The following IKZF3 variants were observed in gnomAD, a reference collection of about 807,000 sequenced individuals.
IKZF3 encodes IKAROS family zinc finger 3.
Under a neutral mutation model 49.0 loss-of-function variants are expected in IKZF3, and 10 were observed. The observed-to-expected ratio is 0.20, with a 90% CI of 0.13 to 0.35. The LOEUF (loss-of-function observed/expected upper bound fraction) is 0.35. Ranked by LOEUF, IKZF3 falls within the 10% of genes least tolerant of loss-of-function variation. The probability of loss-of-function intolerance (pLI) is 1.00; values close to 1 mark genes in which losing one functional copy is unlikely to be tolerated. For synonymous variants in IKZF3, 209 were observed against 228.2 expected, an observed-to-expected ratio of 0.92 and a Z score of 0.76; for missense variants, 498 against 664.8, an observed-to-expected ratio of 0.75 and a Z score of 2.76.
chr17:39,823,451 A>T (rs2144223272), intron 3 of IKZF3, among the ~76,000 whole-genome samples: 1 of 152,260 alleles, frequency 6.6e-6, no homozygotes, highest in South Asian at 2.1e-4. Context: ...GGAGAAATTC[A>T]AACCAGCTGC....
At chr17:39,842,893 A>C (rs2062520474) in intron 1 of IKZF3, among the ~76,000 whole-genome samples, 1 of 152,226 alleles carries the variant, frequency 6.6e-6, no homozygotes, top group African/African-American at 2.4e-5. Context: ...GTAATGGGAC[A>C]AACAAAAATT....
chr17:39,766,160 G>T lies in IKZF3; in HGVS notation c.1160C>A (p.Thr387Lys). 6.2e-7 allele frequency: 1 copy of T among 1,614,054 alleles called. No homozygotes were observed. Among genetic ancestry groups the T allele is most frequent in the Non-Finnish European group, 8.5e-7 (1 of 1,179,984 alleles). The change falls in exon 8 of 8, where the codon ACG becomes AAG. Residue 387 changes from threonine to lysine, a missense_variant. Physicochemically the swap from Thr to Lys is moderately conservative, Grantham distance 78 (BLOSUM62 -1). Transcript: ENST00000346872. ...TTCTTCATGGTTGCTGTCAGTGTCC[G>T]TGGAGTCGTGGCCACTATTGTTGGG... ...LSPNNSGHDSTDTDSNHEERQ... is the reference protein window; with the variant it reads ...LSPNNSGHDSKDTDSNHEERQ...
At chr17:39,859,444 A>C (rs912540044) in intron 1 of IKZF3, among the ~76,000 whole-genome samples, 1 of 150,872 alleles carries the variant, frequency 6.6e-6, no homozygotes, top group African/African-American at 2.4e-5. Context: ...ATGTCAGTGC[A>C]GTGGCATGCT....
intron 1 of IKZF3, among the ~76,000 whole-genome samples, chr17:39,833,057 C>A (rs762438100): frequency 1.3e-5 from 2 of 152,072 alleles, no homozygotes; most frequent in African/African-American, 2.4e-5. Flanking sequence ...ACATCCATTA[C>A]TCACCCTCTG....
At chr17:39,769,172 C>T (rs925725643) in intron 7 of IKZF3, among the ~76,000 whole-genome samples, 4 of 152,150 alleles carry the variant, frequency 2.6e-5, no homozygotes, top group Non-Finnish European at 5.9e-5. Context: ...ATGGTAGGAC[C>T]GAATGGTGGG....
intron 3 of IKZF3, among the ~76,000 whole-genome samples, chr17:39,800,166 T>C (rs755098448): frequency 5.9e-5 from 9 of 152,236 alleles, no homozygotes; most frequent in Non-Finnish European, 8.8e-5. Context: ...AAACCTTTTA[T>C]AGTATGAATA....
At chr17:39,855,371 T>G (rs2063007621) in intron 1 of IKZF3, among the ~76,000 whole-genome samples, 1 of 152,220 alleles carries the variant, frequency 6.6e-6, no homozygotes, top group Non-Finnish European at 1.5e-5. Context: ...AGTTATAAAA[T>G]CTATAAGCAC....
At chr17:39,828,361 C>T (rs552782797) in intron 3 of IKZF3, among the ~76,000 whole-genome samples, 5 of 152,188 alleles carry the variant, frequency 3.3e-5, no homozygotes, top group Admixed American at 6.5e-5. Context: ...GCTTGCTAGA[C>T]TAGTATTGCT....
chr17:39,842,792 A>T (rs1216459268), intron 1 of IKZF3, among the ~76,000 whole-genome samples: 1 of 152,192 alleles, frequency 6.6e-6, no homozygotes, highest in African/African-American at 2.4e-5. Context: ...ATACTTATTA[A>T]TTACAAGGTT....
At chr17:39,839,527 T>C (rs926705366) in intron 1 of IKZF3, 2 of 555,740 alleles carry the variant, frequency 3.6e-6, no homozygotes, top group African/African-American at 3.9e-5. Context: ...GAAGACATGG[T>C]GAGAAGTGGA....
chr17:39,772,862 G>T (rs1190639216), intron 7 of IKZF3, among the ~76,000 whole-genome samples: 1 of 152,054 alleles, frequency 6.6e-6, no homozygotes, highest in Non-Finnish European at 1.5e-5. Context: ...GTCTTGCTCT[G>T]TTGCCCAAGC....
intron 7 of IKZF3, among the ~76,000 whole-genome samples, chr17:39,768,639 T>C (rs768629062): frequency 1.3e-5 from 2 of 152,142 alleles, no homozygotes; most frequent in Non-Finnish European, 2.9e-5. Context: ...GTGAAGATAA[T>C]TGTATGTACC....
chr17:39,768,747 TTTTC>T (rs2143603610), intron 7 of IKZF3, among the ~76,000 whole-genome samples: 1 of 152,364 alleles, frequency 6.6e-6, no homozygotes, highest in Non-Finnish European at 1.5e-5. Flanking sequence ...TTGGTTCACA[TTTTC>T]TTTCTTTTTT....
chr17:39,760,087 TA>T lies in IKZF3; in HGVS notation c.*5702del, dbSNP rs1188858287. On this transcript the variant is annotated 3_prime_UTR_variant, in exon 8 of 8. Coordinates refer to ENST00000346872, the MANE Select transcript of IKZF3 (RefSeq NM_012481.5). ...TGGGGTACTCTTTAAAGTGAGGACT[TA>T]AACATTTCCATTGTGGTCTTATCAC... The T allele has an allele frequency of 6.6e-5, 10 of 151,880 alleles. No individual in the cohort carries two copies. Among genetic ancestry groups the T allele is most frequent in the Non-Finnish European group, 1.3e-4 (9 of 67,990 alleles). The allele number at this position is 151,880 out of a possible 1,614,324, so 9.4% of individuals were successfully genotyped here.
At position 39,832,113 on chromosome 17, in the gene IKZF3, G is replaced by T; in HGVS notation, c.46C>A (p.Gln16Lys). ...CTGATGTTACCTGCGGGCACAGACTGCTCCTGAGTGCTTTTCAGTTCCGCA... is the reference window on the plus strand; with the variant it reads ...CTGATGTTACCTGCGGGCACAGACTTCTCCTGAGTGCTTTTCAGTTCCGCA... ...TNAELKSTQEQSVPAESAAVL... is the reference protein window; with the variant it reads ...TNAELKSTQEKSVPAESAAVL... Residue 16 changes from glutamine (Q) to lysine (K), a missense_variant, in exon 2 of 8, where the codon CAG (glutamine) becomes AAG (lysine). Transcript: ENST00000346872. 2 of 1,612,322 alleles carry T rather than the reference G, an allele frequency of 1.2e-6. No individual in the cohort carries two copies. The highest frequency in any genetic ancestry group is 1.7e-6 in the Non-Finnish European group (2 of 1,178,734).
intron 1 of IKZF3, among the ~76,000 whole-genome samples, chr17:39,847,129 T>C (rs761310185): frequency 5.3e-5 from 8 of 152,206 alleles, no homozygotes; most frequent in Admixed American, 2.6e-4. Flanking sequence ...GTTTTCAGAA[T>C]TGCAACATTA....
At chr17:39,826,860 T>A (rs535822365) in intron 3 of IKZF3, among the ~76,000 whole-genome samples, 7 of 152,230 alleles carry the variant, frequency 4.6e-5, no homozygotes, top group African/African-American at 1.7e-4. Flanking sequence ...AACAAACTAT[T>A]ATGTCTGCCA....
intron 1 of IKZF3, chr17:39,836,141 C>T (rs1003355147): frequency 1.5e-6 from 1 of 658,670 alleles, no homozygotes; most frequent in Admixed American, 2.1e-5. Flanking sequence ...GTGCACACGG[C>T]CTGGATGTTG....
intron 7 of IKZF3, among the ~76,000 whole-genome samples, chr17:39,767,708 G>A (rs940268909): frequency 1.3e-5 from 2 of 152,132 alleles, no homozygotes; most frequent in African/African-American, 4.8e-5. Flanking sequence ...TTCTTGAGGT[G>A]TCTCCAACCT....
Sources: allele counts gnomAD v4.1 joint callset (sites outside exome capture counted in the v4.1 genomes callset), GRCh38; gene constraint gnomAD v4.1.1; transcripts MANE v1.5; gene names NCBI Gene and HGNC (gene_info 2026-07-23, HGNC 2026-07-21).